The following CCDC141 variants were observed in gnomAD, a reference collection of about 807,000 sequenced individuals.
The protein encoded by CCDC141 is coiled-coil domain containing 141, also known as coiled-coil domain-containing protein 141.
A neutral mutation model predicts 181.0 loss-of-function variants in CCDC141; 168 were observed. The ratio of observed to expected loss-of-function variants is 0.93; its 90% confidence interval spans 0.82 to 1.05. The LOEUF is 1.05. Among genes scored for constraint, CCDC141 ranks in the 50% least tolerant of loss-of-function variants. The pLI is 0.00. For synonymous variants in CCDC141, 666 were observed against 642.3 expected (o/e 1.04, Z -0.56); for missense variants, 1,902 against 1,788.5 (o/e 1.06, Z -1.14).
chr2:178,989,647 A>C, intron 2 of CCDC141, among the ~76,000 whole-genome samples: 1 of 150,092 alleles, frequency 6.7e-6, no homozygotes, highest in Non-Finnish European at 1.5e-5. Flanking sequence ...TAAATAAAAC[A>C]ATAGAAAGGA....
In CCDC141 at chr2:178,872,196, A is replaced by C; in HGVS notation, c.2016T>G (p.Leu672=). The change falls in exon 13 of 24, where the codon CTT becomes CTG. Residue 672 remains leucine (L), a synonymous_variant. Coordinates refer to ENST00000443758, the MANE Select transcript of CCDC141 (RefSeq NM_173648.4). ...ELSLLRLAWQ[L]KATESKPGKQ... ...TTCCAGGCTTGCTTTCCGTGGCTTT[A>C]AGCTGCCATGCCAGCCGAAGGAGGC... 1 of 1,613,902 alleles carries C rather than the reference A, an allele frequency of 6.2e-7. No individual in the cohort carries two copies. The highest frequency in any genetic ancestry group is 1.1e-5 in the South Asian group (1 of 91,072).
intron 17 of CCDC141, among the ~76,000 whole-genome samples, chr2:178,861,648 A>AG (rs1685626372): frequency 6.6e-6 from 1 of 151,764 alleles, no homozygotes. Flanking sequence ...AAAAAAAAAA[A>AG]AAAAAGTTTT....
intron 2 of CCDC141, among the ~76,000 whole-genome samples, chr2:179,021,150 G>A (rs1205854251): frequency 1.3e-5 from 2 of 152,132 alleles, no homozygotes; most frequent in Admixed American, 1.3e-4. Flanking sequence ...GGCATTTTAT[G>A]CCTTTATTTC....
At chr2:178,993,866 G>A (rs1692166539) in intron 2 of CCDC141, among the ~76,000 whole-genome samples, 1 of 152,158 alleles carries the variant, frequency 6.6e-6, no homozygotes, top group Non-Finnish European at 1.5e-5. Context: ...CCCCATGAAA[G>A]TCCGAAATCT....
intron 12 of CCDC141, 50 bp from the exon 13 acceptor site, chr2:178,872,362 G>A (rs1265139306): frequency 6.7e-7 from 1 of 1,486,232 alleles, no homozygotes; most frequent in Admixed American, 2.0e-5. Flanking sequence ...AAGAGATACA[G>A]CTTTTTGTTG....
chr2:179,046,542 T>G (rs897477623), intron 2 of CCDC141, among the ~76,000 whole-genome samples: 1 of 152,184 alleles, frequency 6.6e-6, no homozygotes, highest in African/African-American at 2.4e-5. Flanking sequence ...TTGCACTGAG[T>G]CATGGATGAG....
intron 6 of CCDC141, among the ~76,000 whole-genome samples, chr2:178,931,773 A>C (rs1689110578): frequency 6.6e-6 from 1 of 152,150 alleles, no homozygotes; most frequent in Non-Finnish European, 1.5e-5. Flanking sequence ...AATTTACTAA[A>C]TGTCACTAAT....
rs1048887095 is a variant in CCDC141 at position 178,904,639 on chromosome 2, C to T, written c.1265+690G>A. Among the ~76,000 whole-genome samples, 10 of 152,216 alleles carry T rather than the reference C, an allele frequency of 6.6e-5. No homozygotes were observed. The East Asian group carries it at 7.7e-4, about 12-fold the overall frequency. ...AGCCCTGCTTTCATTTCTTCCGGGT[C>T]GATATGCATTCCACTATCTGCTCTG... is the stretch of plus-strand genomic sequence containing the variant. On this transcript the variant is annotated intron_variant, in intron 8 of 23. Coordinates refer to ENST00000443758, the MANE Select transcript of CCDC141 (RefSeq NM_173648.4).
chr2:178,992,831 G>A (rs1258998278), intron 2 of CCDC141, among the ~76,000 whole-genome samples: 1 of 152,116 alleles, frequency 6.6e-6, no homozygotes, highest in Non-Finnish European at 1.5e-5. Flanking sequence ...CCAAGCTGCT[G>A]TTCCTGTGAT....
intron 12 of CCDC141, chr2:178,873,809 A>G (rs918338065): frequency 6.6e-6 from 1 of 152,236 alleles, no homozygotes; most frequent in Admixed American, 6.5e-5. Context: ...CCACTAAAGC[A>G]TTCATTTTTC....
intron 6 of CCDC141, among the ~76,000 whole-genome samples, chr2:178,919,807 C>T (rs750791702): frequency 9.9e-5 from 15 of 152,044 alleles, no homozygotes; most frequent in Non-Finnish European, 1.6e-4. Context: ...TTGCACCAAC[C>T]TAATAAAATG....
intron 2 of CCDC141, among the ~76,000 whole-genome samples, chr2:179,003,961 C>T (rs1040188128): frequency 6.6e-6 from 1 of 151,986 alleles, no homozygotes; most frequent in Non-Finnish European, 1.5e-5. Flanking sequence ...TATATGAAAA[C>T]AAATAATTGT....
chr2:179,014,795 A>G (rs1169056115), intron 2 of CCDC141, among the ~76,000 whole-genome samples: 1 of 151,964 alleles, frequency 6.6e-6, no homozygotes, highest in African/African-American at 2.4e-5. Flanking sequence ...GGATGCGGCA[A>G]CCAGGGAACA....
At chr2:179,025,549 G>A (rs538731019) in intron 2 of CCDC141, among the ~76,000 whole-genome samples, 15 of 152,330 alleles carry the variant, frequency 9.8e-5, no homozygotes, top group African/African-American at 3.6e-4. Flanking sequence ...ACATGGAACT[G>A]TAAGTCCATT....
intron 2 of CCDC141, among the ~76,000 whole-genome samples, chr2:179,019,323 A>C (rs1010715946): frequency 2.0e-5 from 3 of 151,306 alleles, no homozygotes; most frequent in African/African-American, 7.3e-5. Context: ...TTATATTTAT[A>C]AAAAAAAAGA....
At chr2:178,949,155 G>C (rs1225267446) in intron 5 of CCDC141, among the ~76,000 whole-genome samples, 1 of 152,150 alleles carries the variant, frequency 6.6e-6, no homozygotes, top group Non-Finnish European at 1.5e-5. Flanking sequence ...TTGGAAGAGT[G>C]GGACGGTATT....
intron 2 of CCDC141, among the ~76,000 whole-genome samples, chr2:178,982,871 G>A (rs573967579): frequency 1.5e-4 from 23 of 152,292 alleles, no homozygotes; most frequent in African/African-American, 4.3e-4. Flanking sequence ...ACTGCAAGGC[G>A]GCAGCCAGGC....
chr2:179,013,561 C>T (rs759213456), intron 2 of CCDC141, among the ~76,000 whole-genome samples: 24 of 151,986 alleles, frequency 1.6e-4, no homozygotes, highest in Non-Finnish European at 1.2e-4. Flanking sequence ...ACAAATTTAA[C>T]GCAGTTCCCA....
At chr2:178,950,722 TCTC>T (rs1282721208) in intron 5 of CCDC141, among the ~76,000 whole-genome samples, 1 of 152,190 alleles carries the variant, frequency 6.6e-6, no homozygotes, top group African/African-American at 2.4e-5. Flanking sequence ...GGTATCAGTA[TCTC>T]CTCAATAAAT....
Sources: allele counts gnomAD v4.1 joint callset (sites outside exome capture counted in the v4.1 genomes callset), GRCh38; gene constraint gnomAD v4.1.1; transcripts MANE v1.5; gene names NCBI Gene and HGNC (gene_info 2026-07-23, HGNC 2026-07-21).